Variants in C2CD3 observed in about 807,000 individuals in gnomAD.
The protein encoded by C2CD3 is C2 domain containing 3 centriole elongation regulator, also known as C2 domain-containing protein 3.
C2CD3 carries 148 observed loss-of-function variants against 234.0 expected under a neutral mutation model. The ratio of observed to expected loss-of-function variants is 0.63; its 90% CI spans 0.55 to 0.72. The LOEUF is 0.72. Among genes scored for constraint, C2CD3 ranks in the 30% least tolerant of loss-of-function variants. The pLI is 0.00. For synonymous variants in C2CD3, 1,000 were observed against 1,035.4 expected (o/e 0.97, Z 0.66); for missense variants, 2,577 against 2,811.5 (o/e 0.92, Z 1.89).
In C2CD3 at chr11:74,160,314, C is replaced by G. The variant is rs79717427; in HGVS notation, c.483+1085G>C. Among the ~76,000 whole-genome samples the G allele has an allele frequency of 8.4e-3, 1,281 of 152,224 alleles. 9 individuals carry two copies. The highest frequency in any genetic ancestry group is 0.028 in the African/African-American group (1,182 of 41,516). On this transcript the variant is annotated intron_variant, in intron 3 of 32. Coordinates refer to ENST00000334126, the MANE Select transcript of C2CD3 (RefSeq NM_001286577.2). ...ACTCTGTTTATCACAGCACTATTCA[C>G]AATAGCCAAGATGTGGAATCAACCT...
intron 7 of C2CD3, chr11:74,129,585 T>G: frequency 5.7e-6 from 1 of 174,346 alleles, no homozygotes; most frequent in Non-Finnish European, 1.1e-5. Context: ...CTCCTCACTT[T>G]CCAGACTGGG....
intron 3 of C2CD3, among the ~76,000 whole-genome samples, chr11:74,147,947 T>C (rs939679717): frequency 1.3e-5 from 2 of 152,216 alleles, no homozygotes; most frequent in Non-Finnish European, 2.9e-5. Context: ...TCTCAATTTA[T>C]ACTGGAAGTG....
intron 14 of C2CD3, 79 bp from the exon 15 acceptor site, chr11:74,100,755 C>A: frequency 8.0e-7 from 1 of 1,246,844 alleles, no homozygotes; most frequent in Non-Finnish European, 1.1e-6. Flanking sequence ...ATTCAATAAG[C>A]ATTTACAGAA....
At chr11:74,040,965 T>TG (rs1491391019) in intron 29 of C2CD3, among the ~76,000 whole-genome samples, 1 of 67,298 alleles carries the variant, frequency 1.5e-5, no homozygotes, top group Non-Finnish European at 2.7e-5. Flanking sequence ...TTTCCTTAAA[T>TG]TTTTTTTTTT....
chr11:74,095,431 T>C (rs1446668466), intron 16 of C2CD3, 23 bp from the exon 17 acceptor site: 1 of 1,565,968 alleles, frequency 6.4e-7, no homozygotes, highest in Non-Finnish European at 8.6e-7. Flanking sequence ...ACAGAAACAC[T>C]GGTGAGCTTT....
At chr11:74,053,757 G>A (rs1440582694) in intron 26 of C2CD3, among the ~76,000 whole-genome samples, 5 of 152,214 alleles carry the variant, frequency 3.3e-5, no homozygotes, top group Non-Finnish European at 5.9e-5. Flanking sequence ...AGGAAAGACT[G>A]AAATGTACTT....
rs778312475 is a variant in C2CD3, at chr11:74,103,410, G to T, written c.2301C>A (p.Asn767Lys). 8 of 1,614,068 alleles carry T rather than the reference G, an allele frequency of 5.0e-6. No individual in the cohort carries two copies. The highest frequency in any genetic ancestry group is 1.7e-5 in the Admixed American group (1 of 60,000). Reference sequence around the variant, plus strand: ...GTGCTACAGGGCTTGGTGACTTTCGGTTGGGGAGCACCAAGTTCTGTGCTT... The same window carrying T: ...GTGCTACAGGGCTTGGTGACTTTCGTTTGGGGAGCACCAAGTTCTGTGCTT... ...AKKAQNLVLP[N>K]RKSPSPVAPH... is the part of the protein sequence containing the mutation. The change falls in exon 14 of 33, where the codon AAC becomes AAA. Residue 767 changes from asparagine (N) to lysine (K), a missense_variant. Transcript: ENST00000334126.
Position 74,040,074 on chromosome 11 carries a change from G to T in C2CD3, c.5660+1980C>A, listed in dbSNP as rs970997088. Among the ~76,000 whole-genome samples, 5 of 152,304 alleles carry T rather than the reference G, an allele frequency of 3.3e-5. 1 individual carries two copies. The highest frequency in any genetic ancestry group is 6.5e-5 in the Admixed American group (1 of 15,304). Reference sequence around the variant, plus strand: ...TTCGTGGCCTATTAGGAACTGGGCCGCACAGCAGGAGGTGAGTGGGGGCAA... The same window carrying T: ...TTCGTGGCCTATTAGGAACTGGGCCTCACAGCAGGAGGTGAGTGGGGGCAA... On this transcript the variant is annotated intron_variant, in intron 29 of 32. Coordinates refer to ENST00000334126, the MANE Select transcript of C2CD3 (RefSeq NM_001286577.2).
At chr11:74,110,299 A>T (rs1956697542) in intron 11 of C2CD3, among the ~76,000 whole-genome samples, 1 of 152,184 alleles carries the variant, frequency 6.6e-6, no homozygotes, top group Non-Finnish European at 1.5e-5. Context: ...CCAGTTATGT[A>T]TGAAGAGAAT....
At chr11:74,123,240 T>A in intron 7 of C2CD3, 105 bp from the exon 8 acceptor site, 1 of 777,540 alleles carries the variant, frequency 1.3e-6, no homozygotes, top group Non-Finnish European at 2.1e-6. Context: ...GAAGGAGATA[T>A]GTTAAACAAA....
At position 74,078,224 on chromosome 11, in the gene C2CD3, A is replaced by G. The variant is rs748461924; in HGVS notation, c.4494T>C (p.Tyr1498=). The change falls in exon 23 of 33, where the codon TAT becomes TAC. Residue 1498 remains tyrosine, a synonymous_variant. Transcript: ENST00000334126. The part of the protein sequence containing the change: ...ERLEIQVWRA[Y]GNDSVERPHQ... ...GGGGTCTCTCCACACTGTCATTGCC[A>G]TAAGCTCGCCACACTTGGATCTCTA... 6.2e-7 allele frequency: 1 copy of G among 1,614,082 alleles called. No homozygotes were observed. The highest frequency in any genetic ancestry group is 1.1e-5 in the South Asian group (1 of 91,066).
chr11:74,166,259 G>GT (rs1446682792), intron 2 of C2CD3, among the ~76,000 whole-genome samples: 1 of 151,048 alleles, frequency 6.6e-6, no homozygotes, highest in Non-Finnish European at 1.5e-5. Flanking sequence ...GGAGCTTGCA[G>GT]TGAGCCAAGA....
intron 7 of C2CD3, among the ~76,000 whole-genome samples, chr11:74,123,431 T>G (rs1160766896): frequency 1.3e-5 from 2 of 152,112 alleles, no homozygotes; most frequent in African/African-American, 4.8e-5. Flanking sequence ...GATATAGAGG[T>G]GGCTAAGCTA....
intron 3 of C2CD3, among the ~76,000 whole-genome samples, chr11:74,144,568 C>T (rs1340709692): frequency 2.0e-5 from 3 of 152,082 alleles, no homozygotes; most frequent in Admixed American, 6.6e-5. Context: ...GCACAGTACC[C>T]GACAGGTTTT....
intron 24 of C2CD3, among the ~76,000 whole-genome samples, chr11:74,065,389 C>A (rs548958544): frequency 2.0e-5 from 3 of 152,138 alleles, no homozygotes; most frequent in Non-Finnish European, 2.9e-5. Flanking sequence ...GTTAGAATGG[C>A]GATCATTAAA....
intron 18 of C2CD3, among the ~76,000 whole-genome samples, chr11:74,093,541 A>G (rs1955979837): frequency 6.6e-6 from 1 of 152,022 alleles, no homozygotes; most frequent in South Asian, 2.1e-4. Context: ...GGTGATTGAT[A>G]TGTTTAATAC....
chr11:74,050,682 C>T (rs1009743660), intron 26 of C2CD3, among the ~76,000 whole-genome samples: 1 of 152,226 alleles, frequency 6.6e-6, no homozygotes, highest in South Asian at 2.1e-4. Context: ...CCTGGTGACA[C>T]TAAATTCATC....
intron 17 of C2CD3, 31 bp from the exon 18 acceptor site, chr11:74,094,030 C>T: frequency 6.4e-7 from 1 of 1,557,992 alleles, no homozygotes; most frequent in Non-Finnish European, 8.8e-7. Context: ...TCAGAATAAT[C>T]CAACATATGA....
chr11:74,026,962 C>A (rs1200383171), intron 32 of C2CD3, among the ~76,000 whole-genome samples: 894 of 104,370 alleles, frequency 8.6e-3, no homozygotes, highest in South Asian at 0.011. Flanking sequence ...GAATAAGCCT[C>A]AAAAAAAAAA....
Sources: gnomAD v4.1 joint callset for allele counts (sites outside exome capture counted in the v4.1 genomes callset) on GRCh38, gnomAD v4.1.1 for gene constraint, MANE v1.5 for transcripts, NCBI Gene and HGNC (gene_info 2026-07-23, HGNC 2026-07-21) for gene names.